The following CLIC5 variants were observed in gnomAD, a reference collection of about 807,000 sequenced individuals.
CLIC5 encodes CLIC family member 5.
CLIC5 carries 20 observed loss-of-function variants against 24.7 expected under a neutral mutation model. The ratio of observed to expected loss-of-function variants is 0.81; its 90% confidence interval spans 0.57 to 1.18. CLIC5 has a LOEUF of 1.18. Ranked by LOEUF, CLIC5 falls within the 50% of genes most tolerant of loss-of-function variation. The pLI, the probability that CLIC5 is intolerant of heterozygous loss-of-function variation, is 0.00. For synonymous variants in CLIC5, 159 were observed against 135.6 expected (o/e 1.17, Z -1.20); for missense variants, 341 against 326.1 (o/e 1.05, Z -0.35).
the CLIC5 span, among the ~76,000 whole-genome samples, chr6:46,119,193 G>GT: frequency 6.6e-6 from 1 of 152,178 alleles, no homozygotes. Context: ...TAAGTTTGTG[G>GT]TAGAGCAGTC....
At chr6:45,950,303 G>A (rs1247580992) in intron 2 of CLIC5, among the ~76,000 whole-genome samples, 3 of 152,012 alleles carry the variant, frequency 2.0e-5, no homozygotes, top group Non-Finnish European at 4.4e-5. Context: ...GCTCATGCCT[G>A]TAATCCCACC....
intron 1 of CLIC5, among the ~76,000 whole-genome samples, chr6:45,958,457 T>TACACACACACACACAC (rs1764737155): frequency 4.9e-5 from 1 of 20,382 alleles, no homozygotes; most frequent in African/African-American, 8.1e-5. Context: ...TATATATATA[T>TACACACACACACACAC]ATATATATAT....
intron 1 of CLIC5, among the ~76,000 whole-genome samples, chr6:45,986,458 G>A (rs912571698): frequency 9.2e-5 from 14 of 152,214 alleles, no homozygotes; most frequent in African/African-American, 2.9e-4. Context: ...AAAGGACATT[G>A]TAGCCTAAGA....
intron 1 of CLIC5, among the ~76,000 whole-genome samples, chr6:46,027,355 G>A (rs886175768): frequency 1.3e-5 from 2 of 152,202 alleles, no homozygotes; most frequent in Non-Finnish European, 1.5e-5. Context: ...GGAACAGCAT[G>A]TATGATGGCC....
intron 1 of CLIC5, among the ~76,000 whole-genome samples, chr6:45,964,835 A>G (rs996153852): frequency 1.3e-5 from 2 of 152,196 alleles, no homozygotes; most frequent in Non-Finnish European, 2.9e-5. Flanking sequence ...CTGGTTTGTT[A>G]CTCAGCAGGC....
the CLIC5 span, among the ~76,000 whole-genome samples, chr6:46,097,759 C>T: frequency 6.6e-6 from 1 of 152,218 alleles, no homozygotes; most frequent in Non-Finnish European, 1.5e-5. Context: ...GTTTACTAGA[C>T]ATATCTACAA....
At chr6:46,102,295 G>A in the CLIC5 span, among the ~76,000 whole-genome samples, 1 of 152,198 alleles carries the variant, frequency 6.6e-6, no homozygotes, top group Non-Finnish European at 1.5e-5. Flanking sequence ...ATGGAGTTGG[G>A]AAACCCCAGC....
intron 1 of CLIC5, among the ~76,000 whole-genome samples, chr6:46,059,346 A>G (rs1192826886): frequency 1.3e-5 from 2 of 152,238 alleles, no homozygotes; most frequent in African/African-American, 4.8e-5. Context: ...AGGGTTTGCA[A>G]CAGATATGTA....
chr6:46,065,894 G>A (rs1473530067), intron 1 of CLIC5, among the ~76,000 whole-genome samples: 6 of 152,044 alleles, frequency 3.9e-5, no homozygotes, highest in Non-Finnish European at 8.8e-5. Flanking sequence ...TAAAATTGTG[G>A]ACTTTTAATG....
chr6:45,956,439 C>T (rs541324914), intron 1 of CLIC5, among the ~76,000 whole-genome samples: 6 of 151,446 alleles, frequency 4.0e-5, no homozygotes, highest in African/African-American at 7.3e-5. Flanking sequence ...GTAAACAATC[C>T]GACCAATATC....
At chr6:46,104,767 T>A in the CLIC5 span, among the ~76,000 whole-genome samples, 1 of 151,896 alleles carries the variant, frequency 6.6e-6, no homozygotes, top group East Asian at 1.9e-4. Context: ...CATAATAGTA[T>A]CATGGTTAGC....
intron 1 of CLIC5, among the ~76,000 whole-genome samples, 191 bp downstream of exon 1, chr6:46,015,289 C>T (rs1030695577): frequency 6.6e-6 from 1 of 152,234 alleles, no homozygotes; most frequent in Non-Finnish European, 1.5e-5. Flanking sequence ...GGCCACCTGC[C>T]GGAACCTGCC....
chr6:46,048,949 C>A (rs1261286383), intron 1 of CLIC5, among the ~76,000 whole-genome samples: 2 of 152,126 alleles, frequency 1.3e-5, no homozygotes, highest in African/African-American at 4.8e-5. Flanking sequence ...TTTGAGAATT[C>A]AAATTTGAGA....
At chr6:45,938,092 G>A (rs531544474) in intron 4 of CLIC5, among the ~76,000 whole-genome samples, 2 of 152,316 alleles carry the variant, frequency 1.3e-5, no homozygotes, top group East Asian at 1.9e-4. Context: ...AAGAAAGTTG[G>A]AGAACTAGGT....
chr6:46,062,562 A>G (rs183498724), intron 1 of CLIC5, among the ~76,000 whole-genome samples: 1 of 152,348 alleles, frequency 6.6e-6, no homozygotes, highest in African/African-American at 2.4e-5. Flanking sequence ...TATAAAGCAT[A>G]AAAGTGGGAC....
At chr6:45,982,800 G>A (rs1382169717) in intron 1 of CLIC5, among the ~76,000 whole-genome samples, 1 of 152,176 alleles carries the variant, frequency 6.6e-6, no homozygotes, top group African/African-American at 2.4e-5. Context: ...CTGCATAGAT[G>A]AGTGGTTTTA....
chr6:46,080,566 A>G (rs1225100898), upstream of CLIC5, among the ~76,000 whole-genome samples: 1 of 152,190 alleles, frequency 6.6e-6, no homozygotes, highest in Non-Finnish European at 1.5e-5. Flanking sequence ...GAATTGAATT[A>G]TCTTCCTGGT....
chr6:46,017,528 T>C (rs560461634), upstream of CLIC5, among the ~76,000 whole-genome samples: 3 of 152,334 alleles, frequency 2.0e-5, no homozygotes, highest in Admixed American at 1.3e-4. Context: ...CTTGAGCCTG[T>C]CCTCTCAACT....
chr6:45,941,037 G>T (rs1338310972), intron 4 of CLIC5, among the ~76,000 whole-genome samples: 1 of 152,164 alleles, frequency 6.6e-6, no homozygotes, highest in Non-Finnish European at 1.5e-5. Context: ...GCTTTCCAGG[G>T]CCCACTGTCC....
Sources: gnomAD v4.1 joint callset for allele counts (sites outside exome capture counted in the v4.1 genomes callset) on GRCh38, gnomAD v4.1.1 for gene constraint, MANE v1.5 for transcripts, NCBI Gene and HGNC (gene_info 2026-07-23, HGNC 2026-07-21) for gene names.